ITPR2: variants seen among roughly 807,000 people sequenced by gnomAD.
ITPR2 encodes inositol 1,4,5-trisphosphate receptor type 2.
A neutral mutation model predicts 317.1 loss-of-function variants in ITPR2; 207 were observed. The observed-to-expected ratio is 0.65, with a 90% CI of 0.58 to 0.73. ITPR2 has a LOEUF of 0.73. Ranked by LOEUF, ITPR2 falls within the 30% of genes least tolerant of loss-of-function variation. The probability of loss-of-function intolerance (pLI) is 0.00; values close to 1 mark genes in which losing one functional copy is unlikely to be tolerated. For missense variants in ITPR2, 2,613 were observed against 3,284.0 expected (o/e 0.80, Z 4.99); for synonymous variants, 1,156 against 1,149.1 (o/e 1.01, Z -0.12).
At chr12:26,539,481 T>G (rs1591874693) in intron 37 of ITPR2, among the ~76,000 whole-genome samples, 1 of 152,242 alleles carries the variant, frequency 6.6e-6, no homozygotes, top group South Asian at 2.1e-4. Context: ...GGTTTCTTTT[T>G]GTAGCCTGGC....
At chr12:26,660,998 T>C (rs1325348895) in intron 15 of ITPR2, among the ~76,000 whole-genome samples, 1 of 151,566 alleles carries the variant, frequency 6.6e-6, no homozygotes, top group Non-Finnish European at 1.5e-5. Flanking sequence ...TTTTAAATGT[T>C]CTAAAAAATC....
At position 26,715,312 on chromosome 12, in the gene ITPR2, A is replaced by G; in HGVS notation, c.842T>C (p.Leu281Pro). ...SATSATSSKALWEIEVVHHDP... is the reference protein window; with the variant it reads ...SATSATSSKAPWEIEVVHHDP... ...ACATTTACATACCTCTATTTCCCAG[A>G]GTGCTTTAGAACTAGTAGCAGAAGT... The change falls in exon 8 of 57, where the codon CTC becomes CCC. Residue 281 changes from leucine to proline, a missense_variant. This residue lies in a region of ITPR2 where 515 missense variants were observed against 789.4 expected (regional missense o/e 0.65). Transcript: ENST00000381340. The G allele has an allele frequency of 6.2e-7, 1 of 1,611,898 alleles. No individual in the cohort carries two copies. Among genetic ancestry groups the G allele is most frequent in the Non-Finnish European group, 8.5e-7 (1 of 1,178,936 alleles).
intron 34 of ITPR2, among the ~76,000 whole-genome samples, chr12:26,576,546 A>C (rs576607368): frequency 6.6e-6 from 1 of 152,282 alleles, no homozygotes; most frequent in South Asian, 2.1e-4. Flanking sequence ...AGATGTGCAA[A>C]AGAGCCATGG....
At chr12:26,636,139 T>G (rs764546656) in intron 21 of ITPR2, among the ~76,000 whole-genome samples, 1 of 152,230 alleles carries the variant, frequency 6.6e-6, no homozygotes, top group Admixed American at 6.5e-5. Context: ...GCTATAACTT[T>G]GCCTTGTGTT....
intron 1 of ITPR2, among the ~76,000 whole-genome samples, chr12:26,824,270 T>A (rs895064504): frequency 6.6e-6 from 1 of 152,222 alleles, no homozygotes; most frequent in African/African-American, 2.4e-5. Context: ...TCTAATATGG[T>A]TTCTACTGAA....
intron 20 of ITPR2, among the ~76,000 whole-genome samples, chr12:26,655,460 A>G (rs570577496): frequency 1.0e-3 from 153 of 151,844 alleles, no homozygotes; most frequent in African/African-American, 3.6e-3. Flanking sequence ...TAAAAATACA[A>G]AAAATTAGCC....
intron 1 of ITPR2, among the ~76,000 whole-genome samples, chr12:26,828,528 A>T (rs1482199269): frequency 1.3e-5 from 2 of 152,234 alleles, no homozygotes; most frequent in Non-Finnish European, 2.9e-5. Context: ...TGTCACAGAC[A>T]GAAAGCAGAG....
Position 26,495,138 on chromosome 12 carries a change from A to G in ITPR2, c.5182+14T>C. ...TGAGAATCCTAAAATGAGAAAACAA[A>G]TGACAGGACTTACCTCCCACCTGTG... On this transcript the variant is annotated intron_variant, in intron 38 of 56. Transcript: ENST00000381340. The G allele has an allele frequency of 7.4e-7, 1 of 1,348,686 alleles. No individual in the cohort carries two copies. Among genetic ancestry groups the G allele is most frequent in the Non-Finnish European group, 1.1e-6 (1 of 936,694 alleles). 83.5% of individuals were successfully genotyped at this position (1,348,686 alleles called of 1,614,324 possible). A position where few individuals can be genotyped will look rare whatever the true frequency, so the allele number is the denominator to read the frequency against.
intron 26 of ITPR2, among the ~76,000 whole-genome samples, chr12:26,610,445 A>G (rs1946236417): frequency 6.6e-6 from 1 of 152,252 alleles, no homozygotes; most frequent in Non-Finnish European, 1.5e-5. Flanking sequence ...TGAGATGTGG[A>G]GGTAATAGAA....
At chr12:26,675,632 C>T (rs1947890944) in intron 13 of ITPR2, among the ~76,000 whole-genome samples, 1 of 152,010 alleles carries the variant, frequency 6.6e-6, no homozygotes, top group Admixed American at 6.5e-5. Flanking sequence ...ACCAGCATGG[C>T]ACATGTATAC....
chr12:26,455,111 C>A (rs184540477), intron 45 of ITPR2, among the ~76,000 whole-genome samples: 1 of 152,066 alleles, frequency 6.6e-6, no homozygotes. Flanking sequence ...CTCACACTGC[C>A]AGTGTGTGCT....
chr12:26,442,172 C>T (rs1430771118), intron 46 of ITPR2, among the ~76,000 whole-genome samples: 1 of 152,052 alleles, frequency 6.6e-6, no homozygotes, highest in Non-Finnish European at 1.5e-5. Context: ...CACTTACTTT[C>T]TCCTTTCTGA....
chr12:26,620,009 C>A (rs1464336782), intron 26 of ITPR2, among the ~76,000 whole-genome samples: 4 of 152,284 alleles, frequency 2.6e-5, no homozygotes, highest in South Asian at 4.1e-4. Context: ...ATGCTAATAA[C>A]CTACACATTG....
intron 52 of ITPR2, among the ~76,000 whole-genome samples, chr12:26,405,691 C>A (rs1252276871): frequency 1.3e-5 from 2 of 152,196 alleles, no homozygotes; most frequent in African/African-American, 4.8e-5. Flanking sequence ...GTCACTGAGA[C>A]ACGTTTGAAA....
chr12:26,428,616 G>A (rs1941128009), intron 48 of ITPR2, among the ~76,000 whole-genome samples: 1 of 152,028 alleles, frequency 6.6e-6, no homozygotes, highest in African/African-American at 2.4e-5. Context: ...ATGAGTACGT[G>A]CATGAGTGTG....
At chr12:26,481,352 G>T in intron 42 of ITPR2, 111 bp from the exon 43 acceptor site, 1 of 625,050 alleles carries the variant, frequency 1.6e-6, no homozygotes, top group Non-Finnish European at 2.8e-6. Context: ...TTAAAAAATA[G>T]GTAAGATTTA....
At chr12:26,477,128 C>T (rs1942436248) in intron 43 of ITPR2, 121 bp from the exon 44 acceptor site, 1 of 578,602 alleles carries the variant, frequency 1.7e-6, no homozygotes, top group South Asian at 2.5e-5. Flanking sequence ...TTTAAAACTG[C>T]TAATTTCATT....
Position 26,556,303 on chromosome 12 carries a change from A to G in ITPR2, c.4894T>C (p.Leu1632=). The change falls in exon 36 of 57, where the codon TTG becomes CTG. Residue 1632 remains leucine, a synonymous_variant. Coordinates refer to ENST00000381340, the MANE Select transcript of ITPR2 (RefSeq NM_002223.4). ...GGGAACAGCAGTTCTGGACTGTACA[A>G]TACATCAACCAACACTGAGAATTCA... ...QAEFSVLVDV[L]YSPELLFPEG... is the part of the protein sequence containing the mutation. The G allele has an allele frequency of 1.2e-6, 2 of 1,614,090 alleles. 1 individual carries two copies.
intron 13 of ITPR2, among the ~76,000 whole-genome samples, chr12:26,677,488 T>C (rs1408732845): frequency 1.3e-5 from 2 of 151,972 alleles, no homozygotes; most frequent in South Asian, 2.1e-4. Flanking sequence ...TGTTCCCAGC[T>C]ACTCGGGAGT....
Sources: gnomAD v4.1 joint callset for allele counts (sites outside exome capture counted in the v4.1 genomes callset) on GRCh38, gnomAD v4.1.1 for gene constraint, gnomAD v4.1.1 regional missense constraint, MANE v1.5 for transcripts, NCBI Gene and HGNC (gene_info 2026-07-23, HGNC 2026-07-21) for gene names.